SIK2: variants seen among roughly 807,000 people sequenced by gnomAD.
The protein encoded by SIK2 is serine/threonine-protein kinase SIK2.
SIK2 carries 29 observed loss-of-function variants against 103.2 expected under a neutral mutation model. The ratio of observed to expected loss-of-function variants is 0.28; its 90% CI spans 0.21 to 0.38. The LOEUF is 0.38. SIK2 is among the 10% of genes least tolerant of loss of function. The pLI is 1.00. For synonymous variants in SIK2, 412 were observed against 446.1 expected (o/e 0.92, Z 0.96); for missense variants, 879 against 1,171.0 (o/e 0.75, Z 3.64).
intron 3 of SIK2, among the ~76,000 whole-genome samples, chr11:111,655,546 T>G (rs1443013075): frequency 6.6e-6 from 1 of 152,242 alleles, no homozygotes; most frequent in East Asian, 1.9e-4. Context: ...GCTTAAAATC[T>G]GTGGGGATAA....
At chr11:111,650,485 C>G (rs935434294) in intron 3 of SIK2, among the ~76,000 whole-genome samples, 1 of 151,888 alleles carries the variant, frequency 6.6e-6, no homozygotes, top group Admixed American at 6.6e-5. Flanking sequence ...ATTGTGCACT[C>G]AATGCAGAAA....
intron 3 of SIK2, among the ~76,000 whole-genome samples, chr11:111,654,670 C>T (rs1288476424): frequency 6.6e-6 from 1 of 152,158 alleles, no homozygotes; most frequent in Non-Finnish European, 1.5e-5. Context: ...TCTCAAGTAG[C>T]TTTTAAATTA....
At chr11:111,635,403 A>G (rs1355578112) in intron 3 of SIK2, among the ~76,000 whole-genome samples, 3 of 134,826 alleles carry the variant, frequency 2.2e-5, no homozygotes, top group African/African-American at 8.4e-5. Flanking sequence ...AAAGGGAGAA[A>G]GGAAGGAAGG....
intron 3 of SIK2, among the ~76,000 whole-genome samples, chr11:111,673,958 C>T (rs897804407): frequency 2.6e-5 from 4 of 151,890 alleles, no homozygotes; most frequent in African/African-American, 9.7e-5. Context: ...CCTGTAATCC[C>T]AGCTACTCGG....
intron 10 of SIK2, among the ~76,000 whole-genome samples, chr11:111,720,216 G>A (rs45488801): frequency 0.063 from 9,659 of 152,222 alleles, 421 homozygotes; most frequent in Middle Eastern, 0.14. Flanking sequence ...TAGTCCCCAG[G>A]ATTCATCTGG....
At chr11:111,691,031 C>G (rs909298960) in intron 4 of SIK2, among the ~76,000 whole-genome samples, 1 of 152,094 alleles carries the variant, frequency 6.6e-6, no homozygotes, top group Non-Finnish European at 1.5e-5. Flanking sequence ...AAGAAAATGT[C>G]AAAGTAAGAC....
chr11:111,670,364 AC>A (rs1942609015), intron 3 of SIK2, among the ~76,000 whole-genome samples: 1 of 152,240 alleles, frequency 6.6e-6, no homozygotes, highest in Non-Finnish European at 1.5e-5. Context: ...TCTTCGTGAA[AC>A]GTAAAGCCAG....
At chr11:111,700,137 G>C (rs886375516) in intron 4 of SIK2, among the ~76,000 whole-genome samples, 1 of 152,224 alleles carries the variant, frequency 6.6e-6, no homozygotes, top group African/African-American at 2.4e-5. Context: ...TTTAATGCAT[G>C]TTGAAGGCAT....
intron 8 of SIK2, among the ~76,000 whole-genome samples, chr11:111,711,719 C>T (rs1484995509): frequency 6.6e-6 from 1 of 152,190 alleles, no homozygotes; most frequent in Non-Finnish European, 1.5e-5. Flanking sequence ...TACCATCTCA[C>T]CTACACCAAA....
At chr11:111,678,986 A>G (rs1942743739) in intron 3 of SIK2, among the ~76,000 whole-genome samples, 1 of 152,232 alleles carries the variant, frequency 6.6e-6, no homozygotes, top group South Asian at 2.1e-4. Context: ...ACAGCAGTGA[A>G]GAATAGAGCC....
rs1388911025 is a variant in SIK2, at chr11:111,724,457, A to C, written c.*328A>C. On this transcript the variant is annotated 3_prime_UTR_variant, in exon 15 of 15. Transcript: ENST00000304987. ...AGACCCAGGTGTTATGCAGGATTAC[A>C]TCCGTTTATTATCAAGGGCAACCTT... 8 of 320,012 alleles carry C rather than the reference A, an allele frequency of 2.5e-5. No individual in the cohort carries two copies. Among genetic ancestry groups the C allele is most frequent in the African/African-American group, 1.5e-4 (7 of 47,776 alleles). The allele number at this position is 320,012 out of a possible 1,614,324, so 19.8% of individuals were successfully genotyped here. A position where few individuals can be genotyped will look rare whatever the true frequency, so the allele number is the denominator to read the frequency against.
At chr11:111,643,311 G>C (rs1418705583) in intron 3 of SIK2, among the ~76,000 whole-genome samples, 1 of 152,050 alleles carries the variant, frequency 6.6e-6, no homozygotes, top group Admixed American at 6.5e-5. Context: ...CTGTTGGAAG[G>C]TTGGGGGCGA....
At chr11:111,693,116 G>A (rs1211808537) in intron 4 of SIK2, among the ~76,000 whole-genome samples, 1 of 152,006 alleles carries the variant, frequency 6.6e-6, no homozygotes, top group African/African-American at 2.4e-5. Context: ...GGCGGATCAC[G>A]AGGGCAGGAT....
intron 6 of SIK2, among the ~76,000 whole-genome samples, chr11:111,702,577 A>T (rs1441954032): frequency 6.6e-6 from 1 of 152,204 alleles, no homozygotes; most frequent in African/African-American, 2.4e-5. Flanking sequence ...TCCAATAATA[A>T]TATAATAAAT....
intron 3 of SIK2, among the ~76,000 whole-genome samples, chr11:111,683,641 G>T (rs903779738): frequency 1.3e-5 from 2 of 151,872 alleles, no homozygotes; most frequent in Non-Finnish European, 2.9e-5. Context: ...TAGTTGAGAT[G>T]GGGTTTCGCC....
chr11:111,611,573 G>A (rs1941726904), intron 1 of SIK2, among the ~76,000 whole-genome samples: 1 of 152,030 alleles, frequency 6.6e-6, no homozygotes, highest in African/African-American at 2.4e-5. Flanking sequence ...TACTTTATGT[G>A]GGATTTAGTT....
chr11:111,622,014 T>C lies in SIK2; in HGVS notation c.316+1612T>C, dbSNP rs73556988. Among the ~76,000 whole-genome samples, 1,412 of 152,202 alleles carry C rather than the reference T, an allele frequency of 9.3e-3. 33 individuals are homozygous for C. Among genetic ancestry groups the C allele is most frequent in the African/African-American group, 0.032 (1,326 of 41,542 alleles). On this transcript the variant is annotated intron_variant, in intron 3 of 14. Transcript: ENST00000304987. ...TTACTTAAACGTATTTTATAAAACA[T>C]AATACAGTGCTATTTTTCTTTAAAC...
chr11:111,616,821 A>G (rs1941812803), intron 2 of SIK2, among the ~76,000 whole-genome samples: 1 of 152,092 alleles, frequency 6.6e-6, no homozygotes, highest in South Asian at 2.1e-4. Context: ...ACAAAGTGAG[A>G]CACTGTCTCT....
intron 3 of SIK2, among the ~76,000 whole-genome samples, chr11:111,632,017 A>C (rs989047724): frequency 4.6e-5 from 7 of 152,190 alleles, no homozygotes; most frequent in Non-Finnish European, 1.0e-4. Context: ...TAATACCCCC[A>C]AAATTCTAGA....
Sources: allele counts gnomAD v4.1 joint callset (sites outside exome capture counted in the v4.1 genomes callset), GRCh38; gene constraint gnomAD v4.1.1; transcripts MANE v1.5; gene names NCBI Gene and HGNC (gene_info 2026-07-23, HGNC 2026-07-21).